P3H1: variants seen among roughly 807,000 people sequenced by gnomAD.
The protein encoded by P3H1 is growth suppressor 1.
P3H1 carries 69 observed loss-of-function variants against 84.0 expected under a neutral mutation model. The observed-to-expected ratio is 0.82, with a 90% CI of 0.68 to 1.00. The LOEUF (loss-of-function observed/expected upper bound fraction) is 1.00, where lower values mean the gene tolerates loss of function less well. P3H1 is among the 50% of genes least tolerant of loss of function. The pLI, the probability that P3H1 is intolerant of heterozygous loss-of-function variation, is 0.00. For synonymous variants in P3H1, 366 were observed against 388.8 expected (o/e 0.94, Z 0.69); for missense variants, 878 against 962.8 (o/e 0.91, Z 1.17).
intron 14 of P3H1, 58 bp from the exon 15 acceptor site, chr1:42,746,910 T>A: frequency 6.2e-7 from 1 of 1,614,120 alleles, no homozygotes; most frequent in East Asian, 2.2e-5. Context: ...ACTCGCTATC[T>A]CTCAGCTGCT....
In P3H1 at chr1:42,759,200, C is replaced by T. The variant is rs765522259; in HGVS notation, c.808+1G>A. On this transcript the variant is annotated splice_donor_variant, in intron 3 of 14. Coordinates refer to ENST00000296388, the MANE Select transcript of P3H1 (RefSeq NM_022356.4). LOFTEE classifies it high-confidence loss of function. ...AAGGTCTGGCTCTGAACTGCACGCACCTGTGATGGCCTGGAAGAGGTCAGC... is the reference window on the plus strand; with the variant it reads ...AAGGTCTGGCTCTGAACTGCACGCATCTGTGATGGCCTGGAAGAGGTCAGC... 6.2e-7 allele frequency: 1 copy of T among 1,614,194 alleles called. No individual in the cohort carries two copies. The highest frequency in any genetic ancestry group is 1.1e-5 in the South Asian group (1 of 91,082).
intron 9 of P3H1, 46 bp from the exon 10 acceptor site, chr1:42,752,415 G>A (rs775755895): frequency 6.2e-7 from 1 of 1,610,198 alleles, no homozygotes. Flanking sequence ...GGCAGCTGAG[G>A]GCTTGAGAAG....
chr1:42,746,595 T>G lies in P3H1; in HGVS notation c.*102A>C. On this transcript the variant is annotated 3_prime_UTR_variant, in exon 15 of 15. Transcript: ENST00000296388. ...AGGGTCCCCTCGGCTGAGTGGCAGA[T>G]GTAGGCTCACTGCTCTGCAGCCCCG... is the stretch of plus-strand genomic sequence containing the variant. The G allele has an allele frequency of 5.3e-6, 5 of 938,344 alleles. No homozygotes were observed. The highest frequency in any genetic ancestry group is 8.4e-6 in the Non-Finnish European group (5 of 594,778). 58.1% of individuals were successfully genotyped at this position (938,344 alleles called of 1,614,324 possible).
intron 6 of P3H1, 74 bp from the exon 7 acceptor site, chr1:42,755,291 A>G: frequency 1.4e-6 from 2 of 1,417,218 alleles, no homozygotes; most frequent in African/African-American, 2.8e-5. Context: ...TGCATAAAAT[A>G]AGGCCCACAG....
chr1:42,763,976 C>T (rs1487740657), intron 1 of P3H1, among the ~76,000 whole-genome samples: 1 of 151,234 alleles, frequency 6.6e-6, no homozygotes, highest in Non-Finnish European at 1.5e-5. Context: ...AGTTTGAGAC[C>T]AACAATAGCT....
At chr1:42,752,748 A>T in intron 8 of P3H1, 84 bp from the exon 9 acceptor site, 2 of 1,553,612 alleles carry the variant, frequency 1.3e-6, no homozygotes, top group South Asian at 1.1e-5. Context: ...CCTCGTCACA[A>T]ATAGAAATTC....
Position 42,758,996 on chromosome 1 carries a change from A to G in P3H1, c.809-13T>C. On this transcript the variant is annotated splice_polypyrimidine_tract_variant and intron_variant, in intron 3 of 14. Transcript: ENST00000296388. ...TGGATGTAATGATCTGAAAGGAATC[A>G]AACAGAAGGAATAACTATGAGGTCA... The G allele has an allele frequency of 6.2e-7, 1 of 1,614,148 alleles. No individual in the cohort carries two copies. The highest frequency in any genetic ancestry group is 8.5e-7 in the Non-Finnish European group (1 of 1,179,946).
intron 14 of P3H1, 61 bp from the exon 15 acceptor site, chr1:42,746,913 C>T: frequency 6.2e-7 from 1 of 1,614,202 alleles, no homozygotes; most frequent in South Asian, 1.1e-5. Flanking sequence ...CGCTATCTCT[C>T]AGCTGCTACT....
chr1:42,751,988 G>A (rs1652126047), intron 10 of P3H1, among the ~76,000 whole-genome samples: 1 of 152,146 alleles, frequency 6.6e-6, no homozygotes, highest in Non-Finnish European at 1.5e-5. Flanking sequence ...TGTGCATCCT[G>A]CACAGAAGCA....
intron 1 of P3H1, among the ~76,000 whole-genome samples, chr1:42,763,919 C>A (rs532729823): frequency 6.6e-6 from 1 of 150,376 alleles, no homozygotes; most frequent in African/African-American, 2.4e-5. Context: ...CTGAGGCGGG[C>A]GGATCATGAG....
chr1:42,758,910 C>T lies in P3H1; in HGVS notation c.882G>A (p.Lys294=), dbSNP rs1570473600. 1 of 1,614,156 alleles carries T rather than the reference C, an allele frequency of 6.2e-7. No homozygotes were observed. Among genetic ancestry groups the T allele is most frequent in the Non-Finnish European group, 8.5e-7 (1 of 1,180,018 alleles). The change falls in exon 4 of 15, where the codon AAG becomes AAA. Residue 294 remains lysine (K), a synonymous_variant. Coordinates refer to ENST00000296388, the MANE Select transcript of P3H1 (RefSeq NM_022356.4). ...TELASHPSRE[K]PFEDFLPSHY... is the part of the protein sequence containing the mutation. The stretch of plus-strand genomic sequence containing the variant: ...GCGATGGGAGGAAGTCTTCAAAGGG[C>T]TTCTCTCGACTTGGGTGGGAAGCAA...
In P3H1 at chr1:42,747,130, C is replaced by A. The variant is rs758606368; in HGVS notation, c.2055+142G>T. 3.1e-6 allele frequency: 5 copies of A among 1,614,062 alleles called. No homozygotes were observed. In the East Asian group the frequency reaches 1.1e-4, roughly 36 times the overall value. ...AGGCAATGTGACCATAATGACAGGG[C>A]GTTGGAGCTGGTGTCCCAAGTGCTC... On this transcript the variant is annotated intron_variant, in intron 14 of 14. Transcript: ENST00000296388.
intron 1 of P3H1, among the ~76,000 whole-genome samples, chr1:42,765,415 C>A (rs914189459): frequency 2.6e-5 from 4 of 152,194 alleles, no homozygotes; most frequent in Non-Finnish European, 4.4e-5. Context: ...CTCTTAACAG[C>A]AAAGCAAGAC....
chr1:42,746,517 T>G lies in P3H1; in HGVS notation c.*180A>C. 1.6e-6 allele frequency: 1 copy of G among 619,856 alleles called. No homozygotes were observed. The highest frequency in any genetic ancestry group is 2.9e-6 in the Non-Finnish European group (1 of 349,848). 38.4% of individuals were successfully genotyped at this position (619,856 alleles called of 1,614,324 possible). A position where few individuals can be genotyped will look rare whatever the true frequency, so the allele number is the denominator to read the frequency against. ...CCTCAGCCAGATCCAGGGGGTGCGG[T>G]GTCTGGTCATGTCCACTCCAAGAGC... On this transcript the variant is annotated 3_prime_UTR_variant, in exon 15 of 15. Transcript: ENST00000296388.
At chr1:42,750,861 G>A (rs1180080563) in intron 10 of P3H1, among the ~76,000 whole-genome samples, 4 of 150,690 alleles carry the variant, frequency 2.7e-5, no homozygotes, top group African/African-American at 9.8e-5. Context: ...TATCCAGGAG[G>A]TGAGGGGCGC....
Position 42,747,312 on chromosome 1 carries a change from A to AT in P3H1, c.2014dup (p.Ile672AsnfsTer21). The AT allele has an allele frequency of 6.2e-7, 1 of 1,612,758 alleles. No homozygotes were observed. ...AGGGTCCAGGGTGAACCACAGGGCG[A>AT]TGGCACAGCGCTGCCCCCTGGTGAC... is the stretch of plus-strand genomic sequence containing the variant. On this transcript the variant is annotated frameshift_variant, in exon 14 of 15. Transcript: ENST00000296388. LOFTEE classifies it high-confidence loss of function.
In P3H1 at chr1:42,753,533, C is replaced by T. The variant is rs531205265; in HGVS notation, c.1346-869G>A. Among the ~76,000 whole-genome samples the T allele has an allele frequency of 1.2e-4, 18 of 152,226 alleles. No homozygotes were observed. The South Asian group carries it at 3.7e-3, about 32-fold the overall frequency. ...TGAATCCTAGAAGACAGTACCTGTT[C>T]TCTAACAATTATGCAAATAACTAGC... On this transcript the variant is annotated intron_variant, in intron 8 of 14. Transcript: ENST00000296388.
Position 42,766,816 on chromosome 1 carries a change from G to T in P3H1, c.156C>A (p.Pro52=), listed in dbSNP as rs776700626. The T allele has an allele frequency of 6.2e-7, 1 of 1,603,702 alleles. No homozygotes were observed. The highest frequency in any genetic ancestry group is 8.5e-7 in the Non-Finnish European group (1 of 1,179,642). The change falls in exon 1 of 15, where the codon CCC becomes CCA. Residue 52 remains proline (P), a synonymous_variant. Coordinates refer to ENST00000296388, the MANE Select transcript of P3H1 (RefSeq NM_022356.4). ...GTAAYARGDW[P]GVVLSMERAL... is the part of the protein sequence containing the mutation. The stretch of plus-strand genomic sequence containing the variant: ...CCCGTTCCATGCTCAGGACCACCCC[G>T]GGCCAGTCCCCGCGCGCGTAGGCTG...
intron 3 of P3H1, 107 bp downstream of exon 3, chr1:42,759,094 T>C: frequency 6.3e-7 from 1 of 1,575,890 alleles, no homozygotes; most frequent in South Asian, 1.1e-5. Context: ...CTTCTCAGAT[T>C]TAATAAATTG....
Sources: allele counts gnomAD v4.1 joint callset (sites outside exome capture counted in the v4.1 genomes callset), GRCh38; gene constraint gnomAD v4.1.1; transcripts MANE v1.5; gene names NCBI Gene and HGNC (gene_info 2026-07-23, HGNC 2026-07-21).